Variants in HSPA12A observed in about 807,000 individuals in gnomAD.
HSPA12A encodes the protein heat shock 70 kDa protein 12A.
In HSPA12A, 28 loss-of-function variants were observed where a neutral mutation model predicts 69.2. The observed-to-expected ratio is 0.40, with a 90% CI of 0.30 to 0.55. HSPA12A has a LOEUF of 0.55. Ranked by LOEUF, HSPA12A falls within the 20% of genes least tolerant of loss-of-function variation. HSPA12A has a pLI of 0.38. For missense variants in HSPA12A, 686 were observed against 900.7 expected, an observed-to-expected ratio of 0.76 and a Z score of 3.05; for synonymous variants, 345 against 370.5, an observed-to-expected ratio of 0.93 and a Z score of 0.79.
intron 9 of HSPA12A, among the ~76,000 whole-genome samples, chr10:116,680,399 C>T (rs2133364044): frequency 6.6e-6 from 1 of 152,338 alleles, no homozygotes; most frequent in South Asian, 2.1e-4. Flanking sequence ...GCTGGAAAAT[C>T]AGCAGGCCTG....
At position 116,681,789 on chromosome 10, in the gene HSPA12A, A is replaced by G. The variant is rs1554878642; in HGVS notation, c.922+2T>C. On this transcript the variant is annotated splice_donor_variant, in intron 8 of 11. Transcript: ENST00000369209. LOFTEE classifies it high-confidence loss of function. ...AGAGCAAAGGACATTGAAGGACGCT[A>G]CCTTCCTCCAGCTCGGACCAGATTT... 1 of 1,613,272 alleles carries G rather than the reference A, an allele frequency of 6.2e-7. No homozygotes were observed. The highest frequency in any genetic ancestry group is 2.2e-5 in the East Asian group (1 of 44,896).
chr10:116,693,287 G>A (rs912351201), intron 5 of HSPA12A, among the ~76,000 whole-genome samples: 4 of 152,138 alleles, frequency 2.6e-5, no homozygotes, highest in Non-Finnish European at 4.4e-5. Context: ...AAGGTTAAAC[G>A]ACATCACTGA....
chr10:116,761,484 T>C (rs1259274686), intron 2 of HSPA12A, among the ~76,000 whole-genome samples: 1 of 140,718 alleles, frequency 7.1e-6, no homozygotes, highest in Non-Finnish European at 1.5e-5. Context: ...AGAGACTCCA[T>C]CTCAAAAAAA....
At chr10:116,704,354 G>T (rs1187654823) in intron 3 of HSPA12A, among the ~76,000 whole-genome samples, 5 of 150,810 alleles carry the variant, frequency 3.3e-5, no homozygotes, top group Non-Finnish European at 5.9e-5. Flanking sequence ...GCAAACTATC[G>T]CAAGGACAAA....
intron 2 of HSPA12A, among the ~76,000 whole-genome samples, chr10:116,804,120 T>A (rs1845017480): frequency 6.6e-6 from 1 of 152,064 alleles, no homozygotes. Flanking sequence ...TTTGCTTCCC[T>A]CCCTCCCTCT....
intron 2 of HSPA12A, among the ~76,000 whole-genome samples, chr10:116,774,711 T>A (rs1283716604): frequency 6.6e-6 from 1 of 152,090 alleles, no homozygotes. Context: ...ACCCCTTCAT[T>A]CACCCACCAG....
chr10:116,773,485 C>A (rs1478284970), intron 2 of HSPA12A, among the ~76,000 whole-genome samples: 2 of 152,306 alleles, frequency 1.3e-5, no homozygotes, highest in East Asian at 3.9e-4. Flanking sequence ...CAGCTCCCAG[C>A]GGGTTTCGAG....
intron 2 of HSPA12A, among the ~76,000 whole-genome samples, chr10:116,706,237 C>T (rs1850245785): frequency 6.6e-6 from 1 of 151,186 alleles, no homozygotes. Flanking sequence ...TTTTTAACTC[C>T]CACAGAACTC....
At chr10:116,841,494 C>G (rs1412849017) in intron 1 of HSPA12A, among the ~76,000 whole-genome samples, 1 of 152,096 alleles carries the variant, frequency 6.6e-6, no homozygotes, top group Admixed American at 6.6e-5. Context: ...TACATTATCC[C>G]TTGTCAGCAT....
intron 2 of HSPA12A, among the ~76,000 whole-genome samples, chr10:116,773,025 G>T (rs1039136801): frequency 2.6e-5 from 4 of 152,156 alleles, no homozygotes; most frequent in East Asian, 3.9e-4. Flanking sequence ...TCTGAGAAGG[G>T]GCTCATTCAG....
At chr10:116,817,186 T>C (rs1054858320) in intron 2 of HSPA12A, among the ~76,000 whole-genome samples, 13 of 152,152 alleles carry the variant, frequency 8.5e-5, no homozygotes, top group Non-Finnish European at 1.3e-4. Flanking sequence ...CTGTTTTTTT[T>C]CCCGGGGATT....
intron 2 of HSPA12A, among the ~76,000 whole-genome samples, chr10:116,826,014 T>C (rs1845497792): frequency 6.6e-6 from 1 of 152,116 alleles, no homozygotes; most frequent in Non-Finnish European, 1.5e-5. Context: ...TACAGATGTG[T>C]GAAGGGCTGT....
intron 2 of HSPA12A, among the ~76,000 whole-genome samples, chr10:116,768,036 C>T (rs1844118317): frequency 6.6e-6 from 1 of 152,170 alleles, no homozygotes; most frequent in Non-Finnish European, 1.5e-5. Context: ...TCTAAGTTTA[C>T]ACAGTAACGT....
intron 3 of HSPA12A, among the ~76,000 whole-genome samples, chr10:116,702,678 C>T (rs78416844): frequency 6.7e-4 from 102 of 152,316 alleles, no homozygotes; most frequent in African/African-American, 2.3e-3. Context: ...GTGACATTAT[C>T]AGTAGAGAAT....
rs542791008 is a variant in HSPA12A at position 116,710,555 on chromosome 10, C to T, written c.41-3270G>A. On this transcript the variant is annotated intron_variant, in intron 1 of 11. Transcript: ENST00000369209. The surrounding 1 kb of genome is among the most constrained non-coding windows in gnomAD (Gnocchi z 4.1). ...TCTGCTGTACCTCCCTTCAACCCCA[C>T]GGCAACTGGGCCAATATTAAACAAA... Among the ~76,000 whole-genome samples the T allele has an allele frequency of 1.9e-4, 29 of 152,294 alleles. No homozygotes were observed. The highest frequency in any genetic ancestry group is 2.6e-4 in the Non-Finnish European group (18 of 68,022).
intron 1 of HSPA12A, chr10:116,835,347 G>C (rs1845690682): frequency 6.5e-6 from 1 of 154,988 alleles, no homozygotes; most frequent in African/African-American, 2.4e-5. Flanking sequence ...TGCACGTAAG[G>C]AGTCGTGGAG....
chr10:116,707,425 C>T (rs1850291785), intron 1 of HSPA12A, 140 bp from the exon 2 acceptor site: 1 of 672,802 alleles, frequency 1.5e-6, no homozygotes, highest in Non-Finnish European at 2.6e-6. Context: ...AGGCCCAGCC[C>T]CAGCCAGGAA....
At chr10:116,717,056 G>A (rs1589656319) in intron 1 of HSPA12A, among the ~76,000 whole-genome samples, 1 of 152,214 alleles carries the variant, frequency 6.6e-6, no homozygotes, top group African/African-American at 2.4e-5. Context: ...CTCACTGCAT[G>A]TGTATTTCAT....
intron 6 of HSPA12A, among the ~76,000 whole-genome samples, chr10:116,684,297 A>C (rs940828442): frequency 1.4e-4 from 21 of 152,122 alleles, no homozygotes; most frequent in Admixed American, 3.3e-4. Context: ...TCCGGACTGC[A>C]GGAGGCACAC....
Sources: allele counts gnomAD v4.1 joint callset (sites outside exome capture counted in the v4.1 genomes callset), GRCh38; gene constraint gnomAD v4.1.1; non-coding constraint Gnocchi (gnomAD v3.1); transcripts MANE v1.5; gene names NCBI Gene and HGNC (gene_info 2026-07-23, HGNC 2026-07-21).